DCBLD2: variants seen among roughly 807,000 people sequenced by gnomAD.
DCBLD2 encodes the protein discoidin, CUB and LCCL domain-containing protein 2.
In DCBLD2, 54 loss-of-function variants were observed where a neutral mutation model predicts 86.8. That is an observed-to-expected ratio of 0.62 (90% CI 0.50 to 0.78). The LOEUF (loss-of-function observed/expected upper bound fraction) is 0.78, where lower values mean the gene tolerates loss of function less well. DCBLD2 is among the 30% of genes least tolerant of loss of function. The probability of loss-of-function intolerance (pLI) is 0.00; values close to 1 mark genes in which losing one functional copy is unlikely to be tolerated. For missense variants in DCBLD2, 908 were observed against 954.2 expected (o/e 0.95, Z 0.64); for synonymous variants, 354 against 341.3 (o/e 1.04, Z -0.41).
At chr3:98,900,495 C>T (rs1283837180) in intron 1 of DCBLD2, among the ~76,000 whole-genome samples, 1 of 151,936 alleles carries the variant, frequency 6.6e-6, no homozygotes, top group African/African-American at 2.4e-5. Flanking sequence ...AAAGTTTTGT[C>T]ACTTTCTGGA....
At chr3:98,895,258 C>G (rs937577816) in intron 1 of DCBLD2, 2 of 152,130 alleles carry the variant, frequency 1.3e-5, no homozygotes, top group African/African-American at 4.8e-5. Flanking sequence ...TGGACGGTAT[C>G]TTACAGATGA....
At chr3:98,874,065 G>C (rs1943323661) in intron 2 of DCBLD2, among the ~76,000 whole-genome samples, 1 of 152,176 alleles carries the variant, frequency 6.6e-6, no homozygotes, top group African/African-American at 2.4e-5. Context: ...AGCTCAAACA[G>C]ACCAATTTCC....
chr3:98,811,308 T>G lies in DCBLD2; in HGVS notation c.1462A>C (p.Lys488Gln). The G allele has an allele frequency of 6.2e-7, 1 of 1,612,254 alleles. No homozygotes were observed. The highest frequency in any genetic ancestry group is 8.5e-7 in the Non-Finnish European group (1 of 1,179,286). Reference protein sequence around the residue: ...PPKIAKGRAPKFTQPLQPRSS... With the variant: ...PPKIAKGRAPQFTQPLQPRSS... ...CGAGGTTGTAGTGGTTGCGTAAATT[T>G]TGGGGCACGACCTTTAAAAAAGTTT... Residue 488 changes from lysine to glutamine, a missense_variant, in exon 12 of 16, where the codon AAA becomes CAA. Lys to Gln is a moderately conservative substitution (Grantham distance 53, BLOSUM62 1). Transcript: ENST00000326840.
intron 1 of DCBLD2, among the ~76,000 whole-genome samples, chr3:98,891,799 C>G (rs941277029): frequency 1.5e-4 from 23 of 152,154 alleles, no homozygotes; most frequent in African/African-American, 5.1e-4. Flanking sequence ...AACGTCCCTC[C>G]TCCTTTTATC....
intron 1 of DCBLD2, among the ~76,000 whole-genome samples, chr3:98,892,908 G>A (rs1180078584): frequency 6.6e-6 from 1 of 152,100 alleles, no homozygotes; most frequent in African/African-American, 2.4e-5. Flanking sequence ...AAAAAACACT[G>A]AAGCACACCA....
At position 98,867,773 on chromosome 3, in the gene DCBLD2, C is replaced by G. The variant is rs567202435; in HGVS notation, c.433+13767G>C. 5.9e-5 allele frequency among the ~76,000 whole-genome samples: 9 copies of G among 151,584 alleles called. No individual in the cohort carries two copies. In the South Asian group the frequency reaches 1.9e-3, roughly 32 times the overall value. On this transcript the variant is annotated intron_variant, in intron 2 of 15. Transcript: ENST00000326840. ...AATCATGGAAAAGCATTTTTTTTAA[C>G]TCAAAGAAATAACATTTGTTTTTGT...
At position 98,812,351 on chromosome 3, in the gene DCBLD2, T is replaced by C; in HGVS notation, c.1344A>G (p.Gly448=). The C allele has an allele frequency of 6.2e-7, 1 of 1,613,486 alleles. No homozygotes were observed. Among genetic ancestry groups the C allele is most frequent in the Non-Finnish European group, 8.5e-7 (1 of 1,179,620 alleles). Residue 448 remains glycine (G), a synonymous_variant, in exon 10 of 16, where the codon GGA becomes GGG. Transcript: ENST00000326840. The part of the protein sequence containing the change: ...QKIAMKMELL[G]CQFIPKGRPP... ...CTTTACCTTTAGGAATAAACTGACA[T>C]CCGAGCAGCTCCATTTTCATGGCAA...
At chr3:98,825,736 A>T (rs755387334) in intron 3 of DCBLD2, among the ~76,000 whole-genome samples, 9 of 148,326 alleles carry the variant, frequency 6.1e-5, no homozygotes, top group Non-Finnish European at 1.3e-4. Flanking sequence ...TCTGTAAAAT[A>T]CAGCTACCCA....
intron 2 of DCBLD2, among the ~76,000 whole-genome samples, chr3:98,851,958 G>A (rs1400232225): frequency 2.6e-5 from 4 of 152,130 alleles, no homozygotes; most frequent in South Asian, 2.1e-4. Context: ...AGACTTAAAC[G>A]TAAGACCTAA....
intron 2 of DCBLD2, among the ~76,000 whole-genome samples, chr3:98,861,801 T>C (rs1480794795): frequency 6.6e-6 from 1 of 151,616 alleles, no homozygotes; most frequent in Admixed American, 6.6e-5. Flanking sequence ...CACCCTAACA[T>C]CACAATTAAA....
chr3:98,849,579 C>A lies in DCBLD2; in HGVS notation c.453G>T (p.Gly151=), dbSNP rs755149319. 6 of 1,611,858 alleles carry A rather than the reference C, an allele frequency of 3.7e-6. No individual in the cohort carries two copies. The Admixed American group carries it at 5.0e-5, about 13-fold the overall frequency. The change falls in exon 3 of 16, where the codon GGG becomes GGT. Residue 151 remains glycine (G), a synonymous_variant. Coordinates refer to ENST00000326840, the MANE Select transcript of DCBLD2 (RefSeq NM_080927.4). ...RTEIGKYCGL[G]LQMNHSIESK... ...ATTCAATTGAATGGTTCATTTGCAA[C>A]CCCAGACCACAGTATTTGCCTAGGA...
intron 3 of DCBLD2, among the ~76,000 whole-genome samples, chr3:98,841,246 A>C (rs1942614941): frequency 6.6e-6 from 1 of 152,196 alleles, no homozygotes; most frequent in Non-Finnish European, 1.5e-5. Flanking sequence ...CAAGCCAATA[A>C]TCAATAACAG....
intron 2 of DCBLD2, among the ~76,000 whole-genome samples, chr3:98,876,262 C>G (rs1943366615): frequency 6.6e-6 from 1 of 151,638 alleles, no homozygotes; most frequent in South Asian, 2.1e-4. Flanking sequence ...TGGTGTGTGC[C>G]TGTCGTCCCA....
chr3:98,876,537 T>C (rs1400133952), intron 2 of DCBLD2, among the ~76,000 whole-genome samples: 1 of 151,700 alleles, frequency 6.6e-6, no homozygotes, highest in African/African-American at 2.4e-5. Flanking sequence ...CATTATCAAT[T>C]GGCAAAACTT....
chr3:98,822,191 A>G (rs1461547321), intron 6 of DCBLD2, 37 bp downstream of exon 6: 2 of 1,609,948 alleles, frequency 1.2e-6, no homozygotes, highest in Admixed American at 1.7e-5. Context: ...TGCTAATTAT[A>G]TATAGCATAT....
intron 1 of DCBLD2, among the ~76,000 whole-genome samples, chr3:98,895,831 T>C (rs1943742207): frequency 6.6e-6 from 1 of 152,190 alleles, no homozygotes; most frequent in Non-Finnish European, 1.5e-5. Flanking sequence ...TAACAATGTT[T>C]TACTCTTCTC....
intron 1 of DCBLD2, among the ~76,000 whole-genome samples, chr3:98,899,080 A>G (rs1943800135): frequency 1.5e-5 from 1 of 67,728 alleles, no homozygotes; most frequent in African/African-American, 3.9e-5. Context: ...ATTTAGAAGA[A>G]CTAAAAAAAA....
Position 98,817,796 on chromosome 3 carries a change from G to A in DCBLD2, c.1185C>T (p.Tyr395=). The stretch of plus-strand genomic sequence containing the variant: ...TATCTTGCTCCACACCAGGCTCTCT[G>A]TACACAGTCCATTTCTGCCCATCAT... The part of the protein sequence containing the change: ...YSDDGQKWTV[Y]REPGVEQDKI... Residue 395 remains tyrosine (Y), a synonymous_variant, in exon 9 of 16, where the codon TAC becomes TAT. Coordinates refer to ENST00000326840, the MANE Select transcript of DCBLD2 (RefSeq NM_080927.4). 1 of 1,613,672 alleles carries A rather than the reference G, an allele frequency of 6.2e-7. No individual in the cohort carries two copies. The highest frequency in any genetic ancestry group is 8.5e-7 in the Non-Finnish European group (1 of 1,179,704).
At chr3:98,900,987 A>G in intron 1 of DCBLD2, 135 bp downstream of exon 1, 1 of 1,439,654 alleles carries the variant, frequency 6.9e-7, no homozygotes, top group East Asian at 2.6e-5. Flanking sequence ...CAACCCCGTG[A>G]GTACCCAGCC....
Sources: gnomAD v4.1 joint callset for allele counts (sites outside exome capture counted in the v4.1 genomes callset) on GRCh38, gnomAD v4.1.1 for gene constraint, MANE v1.5 for transcripts, NCBI Gene and HGNC (gene_info 2026-07-23, HGNC 2026-07-21) for gene names.